KCTD16: variants seen among roughly 807,000 people sequenced by gnomAD.
KCTD16 encodes the protein BTB/POZ domain-containing protein KCTD16.
In KCTD16, 13 loss-of-function variants were observed where a neutral mutation model predicts 33.2. That is an observed-to-expected ratio of 0.39 (90% CI 0.25 to 0.62). The LOEUF (loss-of-function observed/expected upper bound fraction) is 0.62. Ranked by LOEUF, KCTD16 falls within the 20% of genes least tolerant of loss-of-function variation. KCTD16 has a pLI of 0.50. For synonymous variants in KCTD16, 197 were observed against 195.3 expected (o/e 1.01, Z -0.07); for missense variants, 441 against 525.1 (o/e 0.84, Z 1.57).
intron 3 of KCTD16, among the ~76,000 whole-genome samples, chr5:144,285,878 A>C (rs2126858212): frequency 6.6e-6 from 1 of 152,064 alleles, no homozygotes; most frequent in Admixed American, 6.5e-5. Context: ...AGACAGAACA[A>C]TTCTAAGATG....
At chr5:144,295,070 G>A (rs959808340) in intron 3 of KCTD16, among the ~76,000 whole-genome samples, 4 of 152,110 alleles carry the variant, frequency 2.6e-5, no homozygotes, top group Admixed American at 6.6e-5. Flanking sequence ...ACTTGATGGC[G>A]CTAACATATA....
chr5:144,305,418 T>C (rs1213011106), intron 3 of KCTD16, among the ~76,000 whole-genome samples: 1 of 152,086 alleles, frequency 6.6e-6, no homozygotes, highest in Non-Finnish European at 1.5e-5. Flanking sequence ...GCCATAAGAA[T>C]GGGCCCTAAT....
intron 3 of KCTD16, among the ~76,000 whole-genome samples, chr5:144,211,154 T>C (rs1032256899): frequency 6.6e-6 from 1 of 151,942 alleles, no homozygotes; most frequent in East Asian, 1.9e-4. Context: ...TGGAAAAAAG[T>C]AGATCAAGAA....
At chr5:144,231,063 CT>C (rs1375998762) in intron 3 of KCTD16, among the ~76,000 whole-genome samples, 1 of 152,190 alleles carries the variant, frequency 6.6e-6, no homozygotes, top group Non-Finnish European at 1.5e-5. Context: ...GGACTTTATC[CT>C]GGATGGTGGA....
At chr5:144,444,278 G>C (rs1303390022) in intron 3 of KCTD16, among the ~76,000 whole-genome samples, 2 of 150,886 alleles carry the variant, frequency 1.3e-5, no homozygotes, top group East Asian at 3.9e-4. Flanking sequence ...AAAGACTATG[G>C]AGTGTTTACT....
At chr5:144,452,733 G>A (rs1330071531) in intron 3 of KCTD16, among the ~76,000 whole-genome samples, 1 of 151,232 alleles carries the variant, frequency 6.6e-6, no homozygotes, top group Non-Finnish European at 1.5e-5. Context: ...AATAGAGTCT[G>A]TCATCACTGT....
At chr5:144,381,600 G>T (rs1240102339) in intron 3 of KCTD16, among the ~76,000 whole-genome samples, 2 of 152,096 alleles carry the variant, frequency 1.3e-5, no homozygotes, top group Admixed American at 1.3e-4. Context: ...AGAAAGAGTG[G>T]AGGGGGGAGG....
chr5:144,428,460 C>T (rs1272889041), intron 3 of KCTD16, among the ~76,000 whole-genome samples: 2 of 152,034 alleles, frequency 1.3e-5, no homozygotes, highest in East Asian at 3.9e-4. Context: ...ATTAAAACAC[C>T]AATTAGACCT....
intron 3 of KCTD16, among the ~76,000 whole-genome samples, chr5:144,450,967 A>C (rs528409013): frequency 1.9e-4 from 29 of 152,306 alleles, no homozygotes; most frequent in African/African-American, 7.0e-4. Context: ...TATTGCAAAA[A>C]GAAATAAAAA....
intron 3 of KCTD16, among the ~76,000 whole-genome samples, chr5:144,283,956 A>G (rs1242630891): frequency 3.3e-5 from 5 of 152,216 alleles, no homozygotes; most frequent in Admixed American, 2.0e-4. Context: ...ATATGGCCTC[A>G]AAAATGGCTG....
At chr5:144,341,493 G>A (rs1752642535) in intron 3 of KCTD16, among the ~76,000 whole-genome samples, 3 of 152,150 alleles carry the variant, frequency 2.0e-5, no homozygotes, top group Non-Finnish European at 2.9e-5. Context: ...AAAACCCTCA[G>A]ATTCACAGTA....
intron 3 of KCTD16, among the ~76,000 whole-genome samples, chr5:144,301,932 C>T (rs1333986358): frequency 6.6e-6 from 1 of 152,144 alleles, no homozygotes; most frequent in African/African-American, 2.4e-5. Flanking sequence ...TGACAGATTT[C>T]AGTTATTGAA....
At chr5:144,219,169 TTCATCAGTAGCCAGGC>T (rs1753656262) in intron 3 of KCTD16, among the ~76,000 whole-genome samples, 1 of 152,192 alleles carries the variant, frequency 6.6e-6, no homozygotes, top group African/African-American at 2.4e-5. Flanking sequence ...TAGCTTTGTT[TTCATCAGTAGCCAGGC>T]ATTTTGTCTC....
At chr5:144,402,168 C>G in intron 3 of KCTD16, among the ~76,000 whole-genome samples, 1 of 152,176 alleles carries the variant, frequency 6.6e-6, no homozygotes, top group East Asian at 1.9e-4. Context: ...ATATGCAGTG[C>G]CCAAGGCTGT....
chr5:144,382,477 G>A (rs1049629864), intron 3 of KCTD16, among the ~76,000 whole-genome samples: 15 of 152,028 alleles, frequency 9.9e-5, no homozygotes, highest in East Asian at 1.9e-4. Flanking sequence ...TATGCCCCTC[G>A]CCTCTGACAC....
At chr5:144,183,479 C>T (rs559840930) in intron 2 of KCTD16, among the ~76,000 whole-genome samples, 9 of 152,044 alleles carry the variant, frequency 5.9e-5, no homozygotes, top group Non-Finnish European at 1.2e-4. Context: ...GCTCATTTTG[C>T]CCCCTAGTGG....
chr5:144,412,769 C>A (rs1054834871), intron 3 of KCTD16, among the ~76,000 whole-genome samples: 3 of 152,128 alleles, frequency 2.0e-5, no homozygotes, highest in South Asian at 2.1e-4. Context: ...ACCTGTAATC[C>A]CAGCTACTTG....
intron 3 of KCTD16, among the ~76,000 whole-genome samples, chr5:144,212,878 A>G (rs2126795500): frequency 6.6e-6 from 1 of 152,262 alleles, no homozygotes; most frequent in East Asian, 1.9e-4. Context: ...TCTAATAATT[A>G]CCCTTAGCAC....
At chr5:144,310,571 T>C (rs1439120670) in intron 3 of KCTD16, among the ~76,000 whole-genome samples, 1 of 133,330 alleles carries the variant, frequency 7.5e-6, no homozygotes, top group African/African-American at 3.0e-5. Flanking sequence ...ATAACATATG[T>C]AAAATATTAT....
Sources: allele counts gnomAD v4.1 joint callset (sites outside exome capture counted in the v4.1 genomes callset), GRCh38; gene constraint gnomAD v4.1.1; transcripts MANE v1.5; gene names NCBI Gene and HGNC (gene_info 2026-07-23, HGNC 2026-07-21).